LYPD6B: variants seen among roughly 807,000 people sequenced by gnomAD.
LYPD6B encodes the protein ly6/PLAUR domain-containing protein 6B.
LYPD6B carries 17 observed loss-of-function variants against 22.8 expected under a neutral mutation model. The observed-to-expected ratio is 0.75, with a 90% confidence interval of 0.51 to 1.12. The LOEUF (loss-of-function observed/expected upper bound fraction) is 1.12, where lower values mean the gene tolerates loss of function less well. Among genes scored for constraint, LYPD6B ranks in the 50% most tolerant of loss-of-function variants. The pLI is 0.00. For missense variants in LYPD6B, 221 were observed against 258.3 expected (o/e 0.86, Z 0.99); for synonymous variants, 106 against 91.6 (o/e 1.16, Z -0.90).
chr2:149,214,296 C>A (rs755305369), intron 6 of LYPD6B, among the ~76,000 whole-genome samples: 4 of 152,048 alleles, frequency 2.6e-5, no homozygotes, highest in Non-Finnish European at 5.9e-5. Flanking sequence ...CTTTGCCTTG[C>A]TAATGCTTGG....
chr2:149,042,449 C>T (rs1574860487), intron 1 of LYPD6B, among the ~76,000 whole-genome samples: 2 of 152,122 alleles, frequency 1.3e-5, no homozygotes, highest in Non-Finnish European at 2.9e-5. Flanking sequence ...AAGACATGAT[C>T]ACTAATGCTG....
intron 1 of LYPD6B, among the ~76,000 whole-genome samples, chr2:149,039,755 G>T (rs1008266794): frequency 1.3e-5 from 2 of 152,118 alleles, no homozygotes; most frequent in African/African-American, 4.8e-5. Flanking sequence ...TCATGGTTAG[G>T]CTTCCTCCAG....
chr2:149,060,933 C>T (rs1199407276), intron 1 of LYPD6B, among the ~76,000 whole-genome samples: 1 of 152,138 alleles, frequency 6.6e-6, no homozygotes, highest in East Asian at 1.9e-4. Context: ...TGCTTGGTAC[C>T]CCAAGGGTCT....
At chr2:149,068,718 C>CA (rs1684456140) in intron 1 of LYPD6B, 4 of 546,496 alleles carry the variant, frequency 7.3e-6, no homozygotes, top group South Asian at 5.6e-5. Context: ...TCTGAAGCAA[C>CA]ATCCTGACAG....
intron 1 of LYPD6B, among the ~76,000 whole-genome samples, chr2:149,071,701 G>A (rs1305198951): frequency 2.0e-5 from 3 of 152,116 alleles, no homozygotes; most frequent in Non-Finnish European, 4.4e-5. Context: ...GTAGTCCAAC[G>A]AGGCAGGCGC....
intron 2 of LYPD6B, among the ~76,000 whole-genome samples, chr2:149,151,154 G>A (rs1046968419): frequency 6.6e-6 from 1 of 152,100 alleles, no homozygotes; most frequent in Non-Finnish European, 1.5e-5. Flanking sequence ...CTGTCTTTAA[G>A]CTGAAAGTTC....
chr2:149,096,207 CAGAG>C (rs1685897739), intron 1 of LYPD6B, among the ~76,000 whole-genome samples: 1 of 151,636 alleles, frequency 6.6e-6, no homozygotes, highest in Admixed American at 6.6e-5. Context: ...GACTGAGACA[CAGAG>C]AGAAAAAGAG....
At chr2:149,144,548 C>T (rs567765987) in intron 2 of LYPD6B, among the ~76,000 whole-genome samples, 15 of 152,174 alleles carry the variant, frequency 9.9e-5, no homozygotes, top group South Asian at 6.2e-4. Context: ...CCCGCCACCA[C>T]GCCTGGCTAA....
intron 1 of LYPD6B, among the ~76,000 whole-genome samples, chr2:149,049,515 A>G (rs1189032376): frequency 1.3e-5 from 2 of 152,242 alleles, no homozygotes; most frequent in Non-Finnish European, 2.9e-5. Flanking sequence ...CCAGTGGACA[A>G]GCTTTGGAAG....
chr2:149,208,383 G>A lies in LYPD6B; in HGVS notation c.299G>A (p.Arg100Gln), dbSNP rs199539519. The change falls in exon 5 of 7, where the codon CGA (arginine) becomes CAA (glutamine). Residue 100 changes from arginine to glutamine, a missense_variant. Physicochemically the swap from Arg to Gln is conservative, Grantham distance 43 (BLOSUM62 1). Coordinates refer to ENST00000409642, the MANE Select transcript of LYPD6B (RefSeq NM_177964.5). ...GCAGGGGATAATTATAACTGCAATC[G>A]ATGGGCAGAAGACAAATGGTGTCCA... is the stretch of plus-strand genomic sequence containing the variant. ...ENAGDNYNCN[R>Q]WAEDKWCPQN... 91 of 1,613,580 alleles carry A rather than the reference G, an allele frequency of 5.6e-5. No individual in the cohort carries two copies. The highest frequency in any genetic ancestry group is 5.3e-5 in the African/African-American group (4 of 75,032).
chr2:149,093,746 T>C (rs1339204980), intron 1 of LYPD6B, among the ~76,000 whole-genome samples: 1 of 152,250 alleles, frequency 6.6e-6, no homozygotes, highest in Non-Finnish European at 1.5e-5. Context: ...TTCTTGCATA[T>C]ATTCAGAATC....
intron 3 of LYPD6B, among the ~76,000 whole-genome samples, chr2:149,178,927 A>G (rs1166852493): frequency 1.3e-5 from 2 of 152,244 alleles, no homozygotes; most frequent in East Asian, 3.8e-4. Context: ...AAGCTCAAGA[A>G]TAAAAGTATA....
chr2:149,066,328 C>G (rs1009680721), intron 1 of LYPD6B, among the ~76,000 whole-genome samples: 1 of 150,640 alleles, frequency 6.6e-6, no homozygotes, highest in African/African-American at 2.4e-5. Flanking sequence ...CCTCCCCCGT[C>G]CCCCCACCCC....
intron 1 of LYPD6B, among the ~76,000 whole-genome samples, chr2:149,083,238 A>C (rs1239590677): frequency 6.6e-6 from 1 of 152,172 alleles, no homozygotes; most frequent in Non-Finnish European, 1.5e-5. Flanking sequence ...TCGCTCTCTA[A>C]GTTTCAGACA....
intron 2 of LYPD6B, among the ~76,000 whole-genome samples, chr2:149,143,120 C>T (rs962176309): frequency 8.6e-5 from 13 of 151,994 alleles, no homozygotes; most frequent in Non-Finnish European, 1.3e-4. Flanking sequence ...AGTTCTTTTC[C>T]TTTTGTCCAT....
At position 149,214,910 on chromosome 2, in the gene LYPD6B, C is replaced by T. The variant is rs1694097147; in HGVS notation, c.*200C>T. 3.4e-6 allele frequency: 2 copies of T among 596,652 alleles called. No individual in the cohort carries two copies. The highest frequency in any genetic ancestry group is 5.9e-6 in the Non-Finnish European group (2 of 339,322). 37.0% of individuals were successfully genotyped at this position (596,652 alleles called of 1,614,324 possible). A position where few individuals can be genotyped will look rare whatever the true frequency, so the allele number is the denominator to read the frequency against. ...GACTGAGGATGGGAATTTGGCAGGG[C>T]CTGAGAAGATGGTCTGACTTCCAGG... is the stretch of plus-strand genomic sequence containing the variant. On this transcript the variant is annotated 3_prime_UTR_variant, in exon 7 of 7. Transcript: ENST00000409642.
intron 2 of LYPD6B, among the ~76,000 whole-genome samples, chr2:149,159,074 G>C (rs1689884200): frequency 6.6e-6 from 1 of 151,984 alleles, no homozygotes; most frequent in Admixed American, 6.6e-5. Flanking sequence ...TTCCTTGCCA[G>C]ATCACTTTAG....
intron 1 of LYPD6B, among the ~76,000 whole-genome samples, chr2:149,050,345 A>G (rs1574873649): frequency 6.6e-6 from 1 of 151,046 alleles, no homozygotes; most frequent in East Asian, 2.0e-4. Flanking sequence ...TTCATGATCC[A>G]TTTCACCCTG....
At chr2:149,213,205 A>C in intron 6 of LYPD6B, 83 bp downstream of exon 6, 1 of 1,529,276 alleles carries the variant, frequency 6.5e-7, no homozygotes, top group South Asian at 1.2e-5. Context: ...CAGGAAGGAT[A>C]GTAATATGTG....
Sources: gnomAD v4.1 joint callset for allele counts (sites outside exome capture counted in the v4.1 genomes callset) on GRCh38, gnomAD v4.1.1 for gene constraint, MANE v1.5 for transcripts, NCBI Gene and HGNC (gene_info 2026-07-23, HGNC 2026-07-21) for gene names.